PKHD1: variants seen among roughly 807,000 people sequenced by gnomAD.
The protein encoded by PKHD1 is PKHD1 ciliary IPT domain containing fibrocystin/polyductin.
In PKHD1, 291 loss-of-function variants were observed where a neutral mutation model predicts 412.0. The ratio of observed to expected loss-of-function variants is 0.71; its 90% confidence interval spans 0.64 to 0.78. PKHD1 has a LOEUF of 0.78. Ranked by LOEUF, PKHD1 falls within the 30% of genes least tolerant of loss-of-function variation. PKHD1 has a pLI of 0.00. For synonymous variants in PKHD1, 1,777 were observed against 1,821.5 expected (o/e 0.98, Z 0.62); for missense variants, 4,825 against 4,950.7 (o/e 0.97, Z 0.76).
chr6:51,745,996 GC>G (rs1320220739), intron 59 of PKHD1, among the ~76,000 whole-genome samples: 1 of 146,530 alleles, frequency 6.8e-6, no homozygotes, highest in African/African-American at 2.6e-5. Flanking sequence ...TTAGTTTTTT[GC>G]TTTGTTTTTT....
chr6:51,671,437 T>C (rs1231535838), intron 60 of PKHD1, among the ~76,000 whole-genome samples: 2 of 152,320 alleles, frequency 1.3e-5, no homozygotes, highest in East Asian at 3.9e-4. Flanking sequence ...GTTATTCTAG[T>C]TATACATTCT....
chr6:51,960,071 C>T, intron 35 of PKHD1, 45 bp from the exon 36 acceptor site: 2 of 1,598,552 alleles, frequency 1.3e-6, no homozygotes, highest in Non-Finnish European at 1.7e-6. Flanking sequence ...GGTTGGTTGG[C>T]TGGTCTGTTG....
chr6:52,067,811 G>A (rs989024435), intron 11 of PKHD1, among the ~76,000 whole-genome samples: 10 of 152,180 alleles, frequency 6.6e-5, no homozygotes, highest in African/African-American at 1.9e-4. Context: ...GAGGTCAGAA[G>A]TTTGCCCCAT....
chr6:51,645,606 C>T (rs1442552907), intron 63 of PKHD1, among the ~76,000 whole-genome samples: 1 of 152,098 alleles, frequency 6.6e-6, no homozygotes. Flanking sequence ...GTTGGCCAGG[C>T]TGGTCTCAAA....
intron 53 of PKHD1, among the ~76,000 whole-genome samples, chr6:51,783,959 C>T (rs1392838991): frequency 2.6e-5 from 4 of 152,054 alleles, no homozygotes; most frequent in African/African-American, 9.7e-5. Context: ...TGAATGTTTT[C>T]CAAGAAAAAG....
At chr6:51,645,909 T>G (rs562184160) in intron 63 of PKHD1, among the ~76,000 whole-genome samples, 2 of 152,174 alleles carry the variant, frequency 1.3e-5, no homozygotes, top group Non-Finnish European at 1.5e-5. Context: ...CTGTCTGACA[T>G]AGAAGTTGTG....
Position 51,617,267 on chromosome 6 carries a change from T to C in PKHD1, c.*1814A>G, listed in dbSNP as rs1029874352. ...TCCAATGAGTATACTAAAGTAGAGA[T>C]TGCAAAGGCAAATGACTTCAAGACC... On this transcript the variant is annotated 3_prime_UTR_variant, in exon 67 of 67. Coordinates refer to ENST00000371117, the MANE Select transcript of PKHD1 (RefSeq NM_138694.4). 6.6e-6 allele frequency: 1 copy of C among 152,042 alleles called. No homozygotes were observed. The highest frequency in any genetic ancestry group is 2.4e-5 in the African/African-American group (1 of 41,394). The allele number at this position is 152,042 out of a possible 1,614,324, so 9.4% of individuals were successfully genotyped here. A position where few individuals can be genotyped will look rare whatever the true frequency, so the allele number is the denominator to read the frequency against.
chr6:51,702,353 T>C lies in PKHD1; in HGVS notation c.10156+42032A>G, dbSNP rs1174516719. Among the ~76,000 whole-genome samples, 15 of 151,500 alleles carry C rather than the reference T, an allele frequency of 9.9e-5. No individual in the cohort carries two copies. In the Admixed American group the frequency reaches 9.9e-4, roughly 10 times the overall value. On this transcript the variant is annotated intron_variant, in intron 60 of 66. Coordinates refer to ENST00000371117, the MANE Select transcript of PKHD1 (RefSeq NM_138694.4). ...GAATGGAAAGCCAAACATTGTATGATCTCACTCATAAGTGGGAGCTAAGCT... is the reference window on the plus strand; with the variant it reads ...GAATGGAAAGCCAAACATTGTATGACCTCACTCATAAGTGGGAGCTAAGCT...
intron 51 of PKHD1, among the ~76,000 whole-genome samples, chr6:51,836,107 C>T (rs1769159651): frequency 6.6e-6 from 1 of 152,154 alleles, no homozygotes; most frequent in Non-Finnish European, 1.5e-5. Context: ...CCTAATAGCC[C>T]ATCTGCAGAT....
intron 43 of PKHD1, among the ~76,000 whole-genome samples, chr6:51,899,107 T>A (rs1448288751): frequency 6.6e-6 from 1 of 152,198 alleles, no homozygotes; most frequent in Non-Finnish European, 1.5e-5. Flanking sequence ...ACTGGTACCA[T>A]TCCTTCTGAA....
At chr6:51,785,961 G>T (rs1792783858) in intron 53 of PKHD1, among the ~76,000 whole-genome samples, 3 of 151,994 alleles carry the variant, frequency 2.0e-5, no homozygotes, top group Non-Finnish European at 4.4e-5. Flanking sequence ...TATGAGTCTG[G>T]GTACTTAACA....
intron 50 of PKHD1, among the ~76,000 whole-genome samples, chr6:51,839,380 TAAG>T (rs1769780698): frequency 6.6e-6 from 1 of 152,182 alleles, no homozygotes; most frequent in African/African-American, 2.4e-5. Context: ...TCCCAGATTG[TAAG>T]AAGATCTGAT....
intron 55 of PKHD1, among the ~76,000 whole-genome samples, chr6:51,772,407 T>G (rs183717889): frequency 6.6e-6 from 1 of 151,982 alleles, no homozygotes; most frequent in Non-Finnish European, 1.5e-5. Context: ...CTTCATCTCT[T>G]ATCTCATGGA....
At chr6:51,809,457 G>C (rs1180065038) in intron 52 of PKHD1, among the ~76,000 whole-genome samples, 2 of 151,836 alleles carry the variant, frequency 1.3e-5, no homozygotes, top group African/African-American at 4.8e-5. Context: ...GCTTTATCTA[G>C]ACCAATCCTC....
At chr6:51,692,188 G>A (rs1020021616) in intron 60 of PKHD1, among the ~76,000 whole-genome samples, 4 of 151,400 alleles carry the variant, frequency 2.6e-5, no homozygotes, top group African/African-American at 9.7e-5. Context: ...CCCAGTTCTT[G>A]GCAAAGCTAT....
intron 29 of PKHD1, among the ~76,000 whole-genome samples, chr6:52,029,419 G>T (rs1361484925): frequency 6.6e-6 from 1 of 152,112 alleles, no homozygotes; most frequent in Non-Finnish European, 1.5e-5. Flanking sequence ...CACAGACTCT[G>T]CCCTCAAAGA....
chr6:51,816,235 T>A (rs988775708), intron 52 of PKHD1, among the ~76,000 whole-genome samples: 2 of 151,706 alleles, frequency 1.3e-5, no homozygotes, highest in South Asian at 2.1e-4. Context: ...TAAGGAAAAA[T>A]AAAGGTTTTG....
chr6:51,967,706 C>T (rs1793032488), intron 35 of PKHD1, among the ~76,000 whole-genome samples: 3 of 151,566 alleles, frequency 2.0e-5, no homozygotes, highest in African/African-American at 7.3e-5. Flanking sequence ...CGTGCATGCA[C>T]ATGAATACAC....
chr6:52,025,920 G>A lies in PKHD1; in HGVS notation c.3890C>T (p.Ala1297Val), dbSNP rs747436583. The A allele has an allele frequency of 3.3e-5, 53 of 1,613,994 alleles. No homozygotes were observed. The highest frequency in any genetic ancestry group is 1.3e-4 in the Admixed American group (8 of 59,996). Reference sequence around the variant, plus strand: ...GGCAGTGACTACTGGTGTTGCTGCCGCTTCATACATGAAGGTGAAGCCTTT... The same window carrying A: ...GGCAGTGACTACTGGTGTTGCTGCCACTTCATACATGAAGGTGAAGCCTTT... ...VGKGFTFMYE[A>V]AATPVVTAMQ... The change falls in exon 32 of 67, where the codon GCG (alanine) becomes GTG (valine). Residue 1297 changes from alanine (A) to valine (V), a missense_variant. Ala to Val is a moderately conservative substitution (Grantham distance 64, BLOSUM62 0). Coordinates refer to ENST00000371117, the MANE Select transcript of PKHD1 (RefSeq NM_138694.4).
Sources: allele counts gnomAD v4.1 joint callset (sites outside exome capture counted in the v4.1 genomes callset), GRCh38; gene constraint gnomAD v4.1.1; transcripts MANE v1.5; gene names NCBI Gene and HGNC (gene_info 2026-07-23, HGNC 2026-07-21).